The following VWDE variants were observed in gnomAD, a reference collection of about 807,000 sequenced individuals.
VWDE encodes von Willebrand factor D and EGF domain-containing protein.
Under a neutral mutation model 178.4 loss-of-function variants are expected in VWDE, and 207 were observed. The ratio of observed to expected loss-of-function variants is 1.16; its 90% confidence interval spans 1.04 to 1.30. VWDE has a LOEUF of 1.30. VWDE is among the 50% of genes most tolerant of loss of function. VWDE has a pLI of 0.00. For missense variants in VWDE, 2,287 were observed against 1,901.3 expected (o/e 1.20, Z -3.77); for synonymous variants, 738 against 651.4 (o/e 1.13, Z -2.02).
intron 16 of VWDE, among the ~76,000 whole-genome samples, chr7:12,357,743 G>A (rs1234996198): frequency 6.6e-6 from 1 of 152,000 alleles, no homozygotes; most frequent in Admixed American, 6.6e-5. Context: ...ATGAAAGTAT[G>A]AAATCACTTT....
chr7:12,376,070 T>C (rs564519597), intron 7 of VWDE, among the ~76,000 whole-genome samples: 71 of 152,246 alleles, frequency 4.7e-4, no homozygotes, highest in South Asian at 2.1e-3. Flanking sequence ...TATGAAGTTA[T>C]ATTAATCAGA....
chr7:12,337,106 TCAGC>T (rs763324102), intron 25 of VWDE, 23 bp from the exon 26 acceptor site: 18 of 1,551,332 alleles, frequency 1.2e-5, no homozygotes, highest in Non-Finnish European at 8.7e-7. Flanking sequence ...GCATGAAAAG[TCAGC>T]CCTTAAATTC....
chr7:12,385,974 A>C (rs1214049121), intron 3 of VWDE, among the ~76,000 whole-genome samples: 1 of 152,200 alleles, frequency 6.6e-6, no homozygotes, highest in African/African-American at 2.4e-5. Context: ...CATAAAATGC[A>C]AATTTTAAAT....
At chr7:12,389,927 C>A (rs1473602637) in intron 2 of VWDE, among the ~76,000 whole-genome samples, 1 of 152,108 alleles carries the variant, frequency 6.6e-6, no homozygotes, top group Non-Finnish European at 1.5e-5. Flanking sequence ...CTTTGGGAGG[C>A]TGAGGTGGGC....
At chr7:12,379,270 G>A (rs1347878934) in intron 6 of VWDE, among the ~76,000 whole-genome samples, 1 of 152,108 alleles carries the variant, frequency 6.6e-6, no homozygotes, top group East Asian at 1.9e-4. Flanking sequence ...AAAAATGAAG[G>A]TACATCTCAA....
At chr7:12,367,616 G>C (rs1015871453) in intron 12 of VWDE, 123 bp from the exon 13 acceptor site, 1 of 805,220 alleles carries the variant, frequency 1.2e-6, no homozygotes, top group Non-Finnish European at 1.8e-6. Context: ...TACCTAAAAT[G>C]CTGCTTACAA....
chr7:12,357,167 C>T, intron 17 of VWDE, 98 bp downstream of exon 17: 2 of 1,401,992 alleles, frequency 1.4e-6, no homozygotes, highest in Non-Finnish European at 1.9e-6. Flanking sequence ...AACTTTGTTG[C>T]TCTTTACAAC....
At chr7:12,335,176 C>T (rs1354731092) in intron 27 of VWDE, among the ~76,000 whole-genome samples, 2 of 152,006 alleles carry the variant, frequency 1.3e-5, no homozygotes, top group Non-Finnish European at 2.9e-5. Flanking sequence ...ATACACTTGG[C>T]CACCAATTTT....
In VWDE at chr7:12,370,299, G is replaced by A. The variant is rs76615632; in HGVS notation, c.2007C>T (p.Ser669=). ...SSLIPELDVT[S]EYINSDTLVR... is the part of the protein sequence containing the mutation. Reference sequence around the variant, plus strand: ...CAAGAGTGTCTGAATTAATATATTCGGAGGTGACATCTAGTTCTGGTATCA... The same window carrying A: ...CAAGAGTGTCTGAATTAATATATTCAGAGGTGACATCTAGTTCTGGTATCA... The change falls in exon 12 of 29, where the codon TCC becomes TCT. Residue 669 remains serine, a synonymous_variant. Coordinates refer to ENST00000275358, the MANE Select transcript of VWDE (RefSeq NM_001135924.3). 858 of 1,550,944 alleles carry A rather than the reference G, an allele frequency of 5.5e-4. 3 individuals carry two copies. In the African/African-American group the frequency reaches 6.7e-3, roughly 12 times the overall value.
At position 12,361,183 on chromosome 7, in the gene VWDE, A is replaced by G. The variant is rs1470549695; in HGVS notation, c.3123T>C (p.Val1041=). ...ITVIYDGACQ[V]CGLYKNDSCT... ...ATGAGTCATTTTTATAGAGACCACA[A>G]ACTTGGCAAGCACCATCATATATGA... The change falls in exon 15 of 29, where the codon GTT becomes GTC. Residue 1041 remains valine, a synonymous_variant. Transcript: ENST00000275358. The G allele has an allele frequency of 1.3e-6, 2 of 1,546,824 alleles. No homozygotes were observed. The highest frequency in any genetic ancestry group is 1.7e-6 in the Non-Finnish European group (2 of 1,143,080).
Position 12,370,811 on chromosome 7 carries a change from C to T in VWDE, c.1641G>A (p.Met547Ile). 1 of 1,551,018 alleles carries T rather than the reference C, an allele frequency of 6.4e-7. No homozygotes were observed. Among genetic ancestry groups the T allele is most frequent in the Non-Finnish European group, 8.7e-7 (1 of 1,146,636 alleles). Residue 547 changes from methionine to isoleucine, a missense_variant, in exon 11 of 29, where the codon ATG becomes ATA. Coordinates refer to ENST00000275358, the MANE Select transcript of VWDE (RefSeq NM_001135924.3). ...FIRADLGEWGMSLTIRAPSVD... is the reference protein window; with the variant it reads ...FIRADLGEWGISLTIRAPSVD... ...CACTAGGGGCTCTGATCGTTAGACT[C>T]ATGCCCCATTCACCAAGATCAGCAC...
Position 12,357,367 on chromosome 7 carries a change from G to A in VWDE, c.3423C>T (p.Ser1141=). 1.3e-6 allele frequency: 2 copies of A among 1,551,970 alleles called. No homozygotes were observed. The highest frequency in any genetic ancestry group is 2.0e-5 in the Admixed American group (1 of 50,994). The part of the protein sequence containing the change: ...LDSGPEGASV[S]SAGLFMWKTD... Reference sequence around the variant, plus strand: ...TTTTCCACATAAAAAGCCCTGCAGAGGAAACACTTGCCCCTTCAGGACCAG... The same window carrying A: ...TTTTCCACATAAAAAGCCCTGCAGAAGAAACACTTGCCCCTTCAGGACCAG... Residue 1141 remains serine, a synonymous_variant, in exon 17 of 29, where the codon TCC becomes TCT. Transcript: ENST00000275358.
Position 12,403,699 on chromosome 7 carries a change from G to A in VWDE, c.18C>T (p.Cys6=). MPGGA[C]VLVIALMFLA... ...GGAACATCAGCGCGATCACCAGCAC[G>A]CAGGCTCCGCCAGGCATCGCTGCTT... The change falls in exon 1 of 29, where the codon TGC becomes TGT. Residue 6 remains cysteine (C), a synonymous_variant. Coordinates refer to ENST00000275358, the MANE Select transcript of VWDE (RefSeq NM_001135924.3). 1 of 1,549,240 alleles carries A rather than the reference G, an allele frequency of 6.5e-7. No homozygotes were observed. The highest frequency in any genetic ancestry group is 8.7e-7 in the Non-Finnish European group (1 of 1,146,452).
intron 13 of VWDE, 112 bp downstream of exon 13, chr7:12,367,245 T>A (rs1297112910): frequency 3.8e-6 from 3 of 784,436 alleles, no homozygotes; most frequent in Non-Finnish European, 5.4e-6. Flanking sequence ...GCTCTCTAGA[T>A]ATAATATCGT....
chr7:12,355,477 T>C (rs1003013297), intron 18 of VWDE, among the ~76,000 whole-genome samples: 33 of 151,884 alleles, frequency 2.2e-4, no homozygotes, highest in African/African-American at 7.7e-4. Flanking sequence ...TCAGTTCTAC[T>C]GTATTGTTAA....
chr7:12,383,438 T>C, intron 4 of VWDE, 98 bp downstream of exon 4: 1 of 973,640 alleles, frequency 1.0e-6, no homozygotes, highest in Non-Finnish European at 1.6e-6. Context: ...ATATCAAATA[T>C]CAATATAATT....
At chr7:12,383,850 G>A (rs748603688) in intron 3 of VWDE, among the ~76,000 whole-genome samples, 5 of 152,098 alleles carry the variant, frequency 3.3e-5, no homozygotes, top group Admixed American at 6.6e-5. Context: ...TTTAAATAGT[G>A]AGACACTGAC....
chr7:12,357,794 C>T (rs1583299503), intron 16 of VWDE, among the ~76,000 whole-genome samples: 1 of 152,088 alleles, frequency 6.6e-6, no homozygotes, highest in Non-Finnish European at 1.5e-5. Flanking sequence ...GCACTGGCCA[C>T]ACTGGATGCT....
intron 19 of VWDE, among the ~76,000 whole-genome samples, chr7:12,351,347 T>C (rs1781928217): frequency 1.3e-5 from 2 of 152,182 alleles, no homozygotes; most frequent in Non-Finnish European, 2.9e-5. Context: ...GAAATCACTT[T>C]AAATGATGCT....
Sources: gnomAD v4.1 joint callset for allele counts (sites outside exome capture counted in the v4.1 genomes callset) on GRCh38, gnomAD v4.1.1 for gene constraint, MANE v1.5 for transcripts, NCBI Gene and HGNC (gene_info 2026-07-23, HGNC 2026-07-21) for gene names.